The following GRID2 variants were observed in gnomAD, a reference collection of about 807,000 sequenced individuals.
The protein encoded by GRID2 is glutamate ionotropic receptor delta type subunit 2.
A neutral mutation model predicts 114.8 loss-of-function variants in GRID2; 33 were observed. The ratio of observed to expected loss-of-function variants is 0.29; its 90% CI spans 0.22 to 0.38. The LOEUF (loss-of-function observed/expected upper bound fraction) is 0.38. GRID2 is among the 10% of genes least tolerant of loss of function. The pLI is 1.00. For synonymous variants in GRID2, 505 were observed against 449.9 expected, an observed-to-expected ratio of 1.12 and a Z score of -1.55; for missense variants, 1,184 against 1,257.7, an observed-to-expected ratio of 0.94 and a Z score of 0.89.
intron 4 of GRID2, among the ~76,000 whole-genome samples, chr4:93,187,904 T>C (rs1049900491): frequency 6.6e-6 from 1 of 152,218 alleles, no homozygotes; most frequent in Non-Finnish European, 1.5e-5. Context: ...TATCCTGCCT[T>C]TCAGGCACAC....
chr4:92,965,488 AAC>A (rs1560752254), intron 2 of GRID2, among the ~76,000 whole-genome samples: 6 of 122,818 alleles, frequency 4.9e-5, no homozygotes, highest in African/African-American at 2.0e-4. Flanking sequence ...AAAAAAAAAA[AAC>A]ACACAACATC....
At chr4:92,763,258 A>G (rs1387314458) in intron 2 of GRID2, among the ~76,000 whole-genome samples, 1 of 152,186 alleles carries the variant, frequency 6.6e-6, no homozygotes, top group Non-Finnish European at 1.5e-5. Context: ...AGTGCTGGGT[A>G]TACATTGAAA....
rs145630592 is a variant in GRID2 at position 92,316,017 on chromosome 4, A to G, written c.88+11273A>G. On this transcript the variant is annotated intron_variant, in intron 1 of 15. Transcript: ENST00000282020. ...GCAAAAAAAAAAAAAAAAAAAAAGAAAAGAGAACCCGTTCTGTTGTTCTGT... is the reference window on the plus strand; with the variant it reads ...GCAAAAAAAAAAAAAAAAAAAAAGAGAAGAGAACCCGTTCTGTTGTTCTGT... Among the ~76,000 whole-genome samples the G allele has an allele frequency of 4.7e-3, 702 of 149,942 alleles. 2 individuals carry two copies. The highest frequency in any genetic ancestry group is 0.017 in the African/African-American group (675 of 40,242).
intron 13 of GRID2, among the ~76,000 whole-genome samples, chr4:93,572,893 T>C (rs1736061818): frequency 6.6e-6 from 1 of 152,136 alleles, no homozygotes; most frequent in African/African-American, 2.4e-5. Flanking sequence ...TTTTCTCAGG[T>C]CTGTATTATT....
At chr4:92,834,619 G>A (rs1390901113) in intron 2 of GRID2, among the ~76,000 whole-genome samples, 1 of 152,132 alleles carries the variant, frequency 6.6e-6, no homozygotes, top group Non-Finnish European at 1.5e-5. Flanking sequence ...AGCTTATACT[G>A]CATCAGAGAA....
intron 9 of GRID2, among the ~76,000 whole-genome samples, chr4:93,404,001 C>T (rs1333910298): frequency 6.6e-6 from 1 of 151,992 alleles, no homozygotes; most frequent in Admixed American, 6.6e-5. Flanking sequence ...TGAATGGATA[C>T]ATAAAATGTA....
intron 1 of GRID2, among the ~76,000 whole-genome samples, chr4:92,345,560 A>G (rs1260220587): frequency 6.6e-6 from 1 of 152,218 alleles, no homozygotes; most frequent in Admixed American, 6.5e-5. Context: ...CATTTCTACC[A>G]GGAGTGTAAA....
intron 2 of GRID2, among the ~76,000 whole-genome samples, chr4:92,800,548 T>G (rs139693130): frequency 1.2e-4 from 19 of 152,136 alleles, no homozygotes; most frequent in African/African-American, 4.3e-4. Context: ...CACATATACA[T>G]GGTTCAGAAT....
intron 13 of GRID2, among the ~76,000 whole-genome samples, chr4:93,594,954 G>A (rs1738912076): frequency 6.6e-6 from 1 of 152,272 alleles, no homozygotes; most frequent in East Asian, 1.9e-4. Context: ...CCCACTGTCT[G>A]GCACTCCCTA....
intron 2 of GRID2, among the ~76,000 whole-genome samples, chr4:93,015,529 A>C (rs1349357977): frequency 6.6e-6 from 1 of 152,204 alleles, no homozygotes; most frequent in Non-Finnish European, 1.5e-5. Flanking sequence ...GGTTTTATAC[A>C]TGCTAATTGC....
chr4:92,678,201 C>T (rs1171364428), intron 2 of GRID2, among the ~76,000 whole-genome samples: 1 of 152,082 alleles, frequency 6.6e-6, no homozygotes, highest in East Asian at 1.9e-4. Flanking sequence ...CCCTGCGTAT[C>T]TATCAGCCTT....
chr4:93,651,481 T>G (rs1185900215), intron 14 of GRID2, among the ~76,000 whole-genome samples: 3 of 152,194 alleles, frequency 2.0e-5, no homozygotes, highest in Non-Finnish European at 4.4e-5. Flanking sequence ...AGCTTCCCTT[T>G]CTTCTGCATC....
chr4:93,328,703 A>T (rs376635362), intron 8 of GRID2, among the ~76,000 whole-genome samples: 1 of 138,316 alleles, frequency 7.2e-6, no homozygotes, highest in South Asian at 2.2e-4. Context: ...GGATGGATGG[A>T]TGGTTGGATG....
intron 7 of GRID2, among the ~76,000 whole-genome samples, chr4:93,228,578 A>C (rs539016076): frequency 6.6e-6 from 1 of 152,310 alleles, no homozygotes; most frequent in East Asian, 1.9e-4. Context: ...AATTAAATGT[A>C]TTGAATATAT....
chr4:93,589,250 G>A (rs1445398063), intron 13 of GRID2, among the ~76,000 whole-genome samples: 1 of 135,128 alleles, frequency 7.4e-6, no homozygotes, highest in Non-Finnish European at 1.5e-5. Flanking sequence ...CCTTTCCTGT[G>A]TCCATGTGAT....
At position 92,927,449 on chromosome 4, in the gene GRID2, T is replaced by A. The variant is rs550631878; in HGVS notation, c.245-157546T>A. Among the ~76,000 whole-genome samples, 25 of 151,910 alleles carry A rather than the reference T, an allele frequency of 1.6e-4. 1 individual carries two copies. In the South Asian group the frequency reaches 5.0e-3, roughly 30 times the overall value. ...TCTTGTGTTTGTGCCCAAGTTCCAA[T>A]TCCCACAGGGTAGCACAAAGAGAGC... On this transcript the variant is annotated intron_variant, in intron 2 of 15. Coordinates refer to ENST00000282020, the MANE Select transcript of GRID2 (RefSeq NM_001510.4).
intron 2 of GRID2, among the ~76,000 whole-genome samples, chr4:92,692,361 C>T (rs190861792): frequency 1.3e-5 from 2 of 152,046 alleles, no homozygotes; most frequent in South Asian, 2.1e-4. Flanking sequence ...TATATTTTAT[C>T]TTTTATATAG....
chr4:93,464,167 A>G (rs1724041869), intron 11 of GRID2, among the ~76,000 whole-genome samples: 1 of 152,166 alleles, frequency 6.6e-6, no homozygotes, highest in South Asian at 2.1e-4. Context: ...GGATTGGTCT[A>G]AGTTAAAGTA....
At chr4:92,884,774 T>C in intron 2 of GRID2, 1 of 307,386 alleles carries the variant, frequency 3.3e-6, no homozygotes, top group Non-Finnish European at 6.7e-6. Context: ...TGGAAGCTCT[T>C]CTCAATTAAT....
Sources: gnomAD v4.1 joint callset for allele counts (sites outside exome capture counted in the v4.1 genomes callset) on GRCh38, gnomAD v4.1.1 for gene constraint, MANE v1.5 for transcripts, NCBI Gene and HGNC (gene_info 2026-07-23, HGNC 2026-07-21) for gene names.